The following LRRTM4 variants were observed in gnomAD, a reference collection of about 807,000 sequenced individuals.
LRRTM4 encodes leucine-rich repeat transmembrane neuronal protein 4.
Under a neutral mutation model 47.6 loss-of-function variants are expected in LRRTM4, and 25 were observed. The ratio of observed to expected loss-of-function variants is 0.53; its 90% CI spans 0.38 to 0.73. LRRTM4 has a LOEUF of 0.73. Among genes scored for constraint, LRRTM4 ranks in the 30% least tolerant of loss-of-function variants. The probability of loss-of-function intolerance (pLI) is 0.00; values close to 1 mark genes in which losing one functional copy is unlikely to be tolerated. For missense variants in LRRTM4, 638 were observed against 713.4 expected (o/e 0.89, Z 1.20); for synonymous variants, 311 against 269.5 (o/e 1.15, Z -1.51).
chr2:77,128,142 C>CAA (rs112254712), intron 3 of LRRTM4, among the ~76,000 whole-genome samples: 10,785 of 142,656 alleles, frequency 0.076, 1,012 homozygotes, highest in African/African-American at 0.22. Context: ...GACTCTGTCT[C>CAA]AAAAAAAAAA....
chr2:77,155,915 T>A (rs1672548155), intron 3 of LRRTM4, among the ~76,000 whole-genome samples: 1 of 152,140 alleles, frequency 6.6e-6, no homozygotes, highest in Non-Finnish European at 1.5e-5. Flanking sequence ...AGATAAATGA[T>A]AAATGCCTGA....
chr2:76,998,295 A>C (rs1018947260), intron 3 of LRRTM4, among the ~76,000 whole-genome samples: 2 of 151,942 alleles, frequency 1.3e-5, no homozygotes, highest in African/African-American at 2.4e-5. Context: ...CCTATTTCCT[A>C]CATAAGTTTA....
chr2:76,765,448 C>G (rs1673419892), intron 3 of LRRTM4, among the ~76,000 whole-genome samples: 1 of 152,134 alleles, frequency 6.6e-6, no homozygotes, highest in Non-Finnish European at 1.5e-5. Flanking sequence ...ATTATGTGTC[C>G]TAACCCTCAG....
intron 3 of LRRTM4, among the ~76,000 whole-genome samples, chr2:76,797,074 A>C (rs559018068): frequency 1.3e-5 from 2 of 152,256 alleles, no homozygotes; most frequent in African/African-American, 2.4e-5. Context: ...TCCCCAATCT[A>C]GCAAGGCAGG....
intron 3 of LRRTM4, among the ~76,000 whole-genome samples, chr2:77,187,880 T>C (rs1673554820): frequency 6.6e-6 from 1 of 152,092 alleles, no homozygotes; most frequent in Non-Finnish European, 1.5e-5. Flanking sequence ...GAAAAAATAA[T>C]AATGGATACT....
chr2:77,004,986 C>A (rs1484370895), intron 3 of LRRTM4, among the ~76,000 whole-genome samples: 4 of 152,088 alleles, frequency 2.6e-5, no homozygotes, highest in Non-Finnish European at 5.9e-5. Flanking sequence ...GCCTGTACCC[C>A]AGTTGTATCT....
At chr2:77,217,370 T>A (rs76106520) in intron 3 of LRRTM4, among the ~76,000 whole-genome samples, 21 of 22,428 alleles carry the variant, frequency 9.4e-4, no homozygotes, top group Non-Finnish European at 8.8e-4. Flanking sequence ...TATATTAATT[T>A]ATTAATTTAA....
At chr2:76,995,995 A>T (rs2901812) in intron 3 of LRRTM4, among the ~76,000 whole-genome samples, 76,415 of 151,688 alleles carry the variant, frequency 0.5, 19,969 homozygotes, top group African/African-American at 0.64. Flanking sequence ...AGTATTTTTT[A>T]AAAATGATTA....
At chr2:77,274,713 G>C (rs2104080483) in intron 3 of LRRTM4, among the ~76,000 whole-genome samples, 1 of 152,208 alleles carries the variant, frequency 6.6e-6, no homozygotes, top group African/African-American at 2.4e-5. Context: ...GTTTTTAATA[G>C]CATAGCTCAT....
At chr2:77,036,475 A>G (rs1324559207) in intron 3 of LRRTM4, among the ~76,000 whole-genome samples, 1 of 151,692 alleles carries the variant, frequency 6.6e-6, no homozygotes, top group Non-Finnish European at 1.5e-5. Flanking sequence ...CATCCTTTAC[A>G]GAACTATTGT....
At chr2:77,307,545 A>G (rs1021891291) in intron 3 of LRRTM4, among the ~76,000 whole-genome samples, 1 of 138,214 alleles carries the variant, frequency 7.2e-6, no homozygotes, top group Non-Finnish European at 1.5e-5. Context: ...AGATATATCT[A>G]TATATTATAG....
In LRRTM4 at chr2:77,519,078, T is replaced by C. The variant is rs1305477376; in HGVS notation, c.791A>G (p.Asp264Gly). Reference protein sequence around the residue: ...SLHNLDLSGNDIQGIEPGTFK... With the variant: ...SLHNLDLSGNGIQGIEPGTFK... ...TGTGCCCGGCTCAATTCCTTGGATG[T>C]CATTCCCTGATAAATCCAAGTTGTG... is the stretch of plus-strand genomic sequence containing the variant. The change falls in exon 3 of 4, where the codon GAC becomes GGC. Residue 264 changes from aspartate (D) to glycine (G), a missense_variant. Asp to Gly is a moderately conservative substitution (Grantham distance 94). Transcript: ENST00000409884. This position sits in a 1 kb window ranked among gnomAD's most constrained non-coding sequence, Gnocchi z 4.6. 6.2e-7 allele frequency: 1 copy of C among 1,612,876 alleles called. No homozygotes were observed. Among genetic ancestry groups the C allele is most frequent in the Admixed American group, 1.7e-5 (1 of 59,792 alleles).
intron 3 of LRRTM4, among the ~76,000 whole-genome samples, chr2:76,816,926 T>C: frequency 6.7e-6 from 1 of 150,282 alleles, no homozygotes; most frequent in East Asian, 2.0e-4. Flanking sequence ...CTTTTCATGT[T>C]TGCGGGAAGT....
At chr2:77,432,855 G>C (rs752140428) in intron 3 of LRRTM4, among the ~76,000 whole-genome samples, 6 of 152,166 alleles carry the variant, frequency 3.9e-5, no homozygotes, top group Non-Finnish European at 8.8e-5. Flanking sequence ...AATGTAAACA[G>C]GATGAAGTAA....
At chr2:77,444,166 T>C (rs1426038095) in intron 3 of LRRTM4, among the ~76,000 whole-genome samples, 1 of 152,078 alleles carries the variant, frequency 6.6e-6, no homozygotes, top group Non-Finnish European at 1.5e-5. Context: ...CTATTTCTTA[T>C]CAATATAACA....
At chr2:77,299,847 ATTTTTT>A (rs145008759) in intron 3 of LRRTM4, among the ~76,000 whole-genome samples, 1 of 114,210 alleles carries the variant, frequency 8.8e-6, no homozygotes, top group African/African-American at 3.4e-5. Flanking sequence ...TAAGGTAATG[ATTTTTT>A]TTTTTTTTTT....
At chr2:77,111,079 A>G (rs76000287) in intron 3 of LRRTM4, among the ~76,000 whole-genome samples, 12,805 of 152,052 alleles carry the variant, frequency 0.084, 668 homozygotes, top group East Asian at 0.23. Context: ...CTCATGAGTG[A>G]AAGGAAGTAC....
At chr2:77,139,507 C>T (rs899415584) in intron 3 of LRRTM4, among the ~76,000 whole-genome samples, 3 of 152,006 alleles carry the variant, frequency 2.0e-5, no homozygotes, top group African/African-American at 7.2e-5. Flanking sequence ...TATGACAAAC[C>T]CACAGCCAAT....
intron 3 of LRRTM4, among the ~76,000 whole-genome samples, chr2:77,259,600 G>T (rs1339032314): frequency 6.6e-6 from 1 of 151,924 alleles, no homozygotes; most frequent in Non-Finnish European, 1.5e-5. Context: ...TGGGAAGTGT[G>T]GTGTTCAATA....
Sources: allele counts gnomAD v4.1 joint callset (sites outside exome capture counted in the v4.1 genomes callset), GRCh38; gene constraint gnomAD v4.1.1; non-coding constraint Gnocchi (gnomAD v3.1); transcripts MANE v1.5; gene names NCBI Gene and HGNC (gene_info 2026-07-23, HGNC 2026-07-21).